The following CDC42SE2 variants were observed in gnomAD, a reference collection of about 807,000 sequenced individuals.
CDC42SE2 encodes the protein CDC42 small effector 2, also known as CDC42 small effector protein 2.
CDC42SE2 carries 3 observed loss-of-function variants against 11.5 expected under a neutral mutation model. The observed-to-expected ratio is 0.26, with a 90% CI of 0.12 to 0.67. The LOEUF (loss-of-function observed/expected upper bound fraction) is 0.67, where lower values mean the gene tolerates loss of function less well. Among genes scored for constraint, CDC42SE2 ranks in the 30% least tolerant of loss-of-function variants. The probability of loss-of-function intolerance (pLI) is 0.80; values close to 1 mark genes in which losing one functional copy is unlikely to be tolerated. For synonymous variants in CDC42SE2, 33 were observed against 34.8 expected (o/e 0.95, Z 0.18); for missense variants, 82 against 106.8 (o/e 0.77, Z 1.02).
chr5:131,381,907 C>T (rs1429478752), intron 3 of CDC42SE2, among the ~76,000 whole-genome samples: 2 of 152,182 alleles, frequency 1.3e-5, no homozygotes, highest in Non-Finnish European at 2.9e-5. Flanking sequence ...GCTTATCTTA[C>T]TATTTTCATC....
chr5:131,279,663 T>C (rs751029881), intron 1 of CDC42SE2, among the ~76,000 whole-genome samples: 7 of 152,148 alleles, frequency 4.6e-5, no homozygotes, highest in Non-Finnish European at 1.0e-4. Flanking sequence ...TGTGGTCACC[T>C]GGACATTCCA....
chr5:131,383,531 A>G (rs181287197), intron 3 of CDC42SE2, among the ~76,000 whole-genome samples: 1 of 152,288 alleles, frequency 6.6e-6, no homozygotes, highest in Non-Finnish European at 1.5e-5. Context: ...AGAGTGAAAA[A>G]CTATAATAAT....
chr5:131,349,334 C>G (rs1323665600), intron 2 of CDC42SE2, among the ~76,000 whole-genome samples: 1 of 85,444 alleles, frequency 1.2e-5, no homozygotes, highest in African/African-American at 4.9e-5. Context: ...ACACTGGGGC[C>G]TGTTGTGGGG....
chr5:131,308,288 T>C (rs1757822266), intron 1 of CDC42SE2, among the ~76,000 whole-genome samples: 1 of 152,092 alleles, frequency 6.6e-6, no homozygotes, highest in Non-Finnish European at 1.5e-5. Flanking sequence ...GGCTCTGTTG[T>C]GTTCCATTGA....
intron 1 of CDC42SE2, among the ~76,000 whole-genome samples, chr5:131,279,295 T>C (rs1029045282): frequency 1.3e-5 from 2 of 152,232 alleles, no homozygotes; most frequent in Non-Finnish European, 2.9e-5. Context: ...GTGTATCTAA[T>C]AGTTCATTCC....
the CDC42SE2 span, among the ~76,000 whole-genome samples, chr5:131,219,957 TTGTGGGTTGCCACAGCAAC>T: frequency 3.4e-3 from 512 of 152,132 alleles, 5 homozygotes; most frequent in African/African-American, 0.012. Flanking sequence ...ACAAAAAAAG[TTGTGGGTTGCCACAGCAAC>T]TGTAATATAG....
intron 1 of CDC42SE2, among the ~76,000 whole-genome samples, chr5:131,271,753 A>C (rs1240240405): frequency 6.6e-6 from 1 of 152,122 alleles, no homozygotes; most frequent in Non-Finnish European, 1.5e-5. Context: ...CCTGCCTTAA[A>C]TTTGTGGTCC....
chr5:131,272,482 T>G (rs1401884777), intron 1 of CDC42SE2, among the ~76,000 whole-genome samples: 7 of 152,198 alleles, frequency 4.6e-5, no homozygotes, highest in African/African-American at 1.7e-4. Flanking sequence ...AAAACTTTTA[T>G]ACGTCTCCTT....
At chr5:131,302,446 C>T (rs1757704094) in intron 1 of CDC42SE2, among the ~76,000 whole-genome samples, 1 of 152,000 alleles carries the variant, frequency 6.6e-6, no homozygotes, top group Non-Finnish European at 1.5e-5. Flanking sequence ...CCCAAAGTGC[C>T]AGGATTACAG....
At chr5:131,231,530 G>A in the CDC42SE2 span, among the ~76,000 whole-genome samples, 1 of 152,304 alleles carries the variant, frequency 6.6e-6, no homozygotes, top group South Asian at 2.1e-4. Flanking sequence ...GGTTGGGACT[G>A]AATGGTCTAA....
intron 3 of CDC42SE2, among the ~76,000 whole-genome samples, chr5:131,365,432 G>A (rs1228971725): frequency 1.3e-5 from 2 of 152,162 alleles, no homozygotes; most frequent in Non-Finnish European, 2.9e-5. Flanking sequence ...AAAGTGATTG[G>A]TCAAATATGA....
chr5:131,363,698 T>G (rs1749777033), intron 3 of CDC42SE2, among the ~76,000 whole-genome samples: 2 of 141,662 alleles, frequency 1.4e-5, no homozygotes, highest in Admixed American at 7.1e-5. Flanking sequence ...TCTTACTCTT[T>G]TTTTTTTTTT....
the CDC42SE2 span, among the ~76,000 whole-genome samples, chr5:131,225,525 A>G: frequency 2.6e-5 from 4 of 152,362 alleles, no homozygotes; most frequent in Non-Finnish European, 5.9e-5. Flanking sequence ...TTGTTCAAGT[A>G]CAACACTGAT....
intron 1 of CDC42SE2, among the ~76,000 whole-genome samples, chr5:131,272,410 T>A (rs1757012531): frequency 6.6e-6 from 1 of 152,148 alleles, no homozygotes; most frequent in Non-Finnish European, 1.5e-5. Flanking sequence ...CTCCCTTTTT[T>A]CCTCTTCATT....
At chr5:131,257,708 G>T (rs1351129506) in intron 2 of CDC42SE2, among the ~76,000 whole-genome samples, 2 of 151,970 alleles carry the variant, frequency 1.3e-5, no homozygotes, top group Non-Finnish European at 2.9e-5. Flanking sequence ...AAAGTCCTGA[G>T]CTCAGGCAAT....
At chr5:131,252,059 TGGAA>T (rs60052435) in intron 1 of CDC42SE2, among the ~76,000 whole-genome samples, 7,550 of 118,028 alleles carry the variant, frequency 0.064, 481 homozygotes, top group African/African-American at 0.17. Flanking sequence ...AGAGAATGAG[TGGAA>T]GGAAGGAAGG....
rs373940348 is a variant in CDC42SE2 at position 131,367,118 on chromosome 5, G to A, written c.54+7571G>A. ...CAATCAAATATATATGTGTGTGTGT[G>A]TATATCATATACATATGTGTGTATA... On this transcript the variant is annotated intron_variant, in intron 3 of 4. Coordinates refer to ENST00000505065, the MANE Select transcript of CDC42SE2 (RefSeq NM_001375635.1). Among the ~76,000 whole-genome samples, 8 of 151,108 alleles carry A rather than the reference G, an allele frequency of 5.3e-5. 1 individual carries two copies. In the South Asian group the frequency reaches 1.0e-3, roughly 20 times the overall value.
chr5:131,383,931 A>G (rs1041907929), intron 3 of CDC42SE2, among the ~76,000 whole-genome samples: 1 of 152,254 alleles, frequency 6.6e-6, no homozygotes, highest in African/African-American at 2.4e-5. Flanking sequence ...GGATGAAAAT[A>G]TAAGAAACTT....
the CDC42SE2 span, among the ~76,000 whole-genome samples, chr5:131,216,516 A>AAC: frequency 4.7e-5 from 7 of 149,804 alleles, 2 homozygotes; most frequent in African/African-American, 1.8e-4. Context: ...AAAAAAAAAA[A>AAC]AAAAAACATT....
Sources: allele counts gnomAD v4.1 joint callset (sites outside exome capture counted in the v4.1 genomes callset), GRCh38; gene constraint gnomAD v4.1.1; transcripts MANE v1.5; gene names NCBI Gene and HGNC (gene_info 2026-07-23, HGNC 2026-07-21).